Variants in STAU1 observed in about 807,000 individuals in gnomAD.
The protein encoded by STAU1 is staufen double-stranded RNA binding protein 1.
Under a neutral mutation model 62.9 loss-of-function variants are expected in STAU1, and 13 were observed. The observed-to-expected ratio is 0.21, with a 90% CI of 0.13 to 0.33. The LOEUF is 0.33. STAU1 is among the 10% of genes least tolerant of loss of function. STAU1 has a pLI of 1.00. For synonymous variants in STAU1, 269 were observed against 265.1 expected (o/e 1.01, Z -0.14); for missense variants, 571 against 712.1 (o/e 0.80, Z 2.25).
the STAU1 span, among the ~76,000 whole-genome samples, chr20:49,194,929 C>T: frequency 6.6e-6 from 1 of 151,008 alleles, no homozygotes; most frequent in Non-Finnish European, 1.5e-5. Flanking sequence ...AACAGTGAAA[C>T]CCTGTGTCAA....
chr20:49,140,386 G>C (rs1464709137), intron 5 of STAU1, among the ~76,000 whole-genome samples: 3 of 152,008 alleles, frequency 2.0e-5, no homozygotes, highest in Non-Finnish European at 4.4e-5. Flanking sequence ...ATTCACAATA[G>C]CCAGAAGGTA....
At chr20:49,115,176 G>T (rs752190765) in intron 13 of STAU1, among the ~76,000 whole-genome samples, 29 of 151,988 alleles carry the variant, frequency 1.9e-4, no homozygotes, top group Non-Finnish European at 4.1e-4. Flanking sequence ...TAGTAAAAAT[G>T]TGATCTATGG....
In STAU1 at chr20:49,117,098, C is replaced by G. The variant is rs1302858317; in HGVS notation, c.1632+28G>C. On this transcript the variant is annotated intron_variant, in intron 12 of 13. Coordinates refer to ENST00000371856, the MANE Select transcript of STAU1 (RefSeq NM_017453.4). This position sits in a 1 kb window ranked among gnomAD's most constrained non-coding sequence, Gnocchi z 4.6. ...AGGCTCCACATAAACACACAACACC[C>G]CAATCCCTCACCCAAGGTGTGACGT... is the stretch of plus-strand genomic sequence containing the variant. The G allele has an allele frequency of 1.2e-6, 2 of 1,612,886 alleles. No individual in the cohort carries two copies. Among genetic ancestry groups the G allele is most frequent in the East Asian group, 4.5e-5 (2 of 44,874 alleles).
chr20:49,150,483 T>G (rs2093225586), intron 5 of STAU1, among the ~76,000 whole-genome samples: 3 of 151,926 alleles, frequency 2.0e-5, no homozygotes, highest in Admixed American at 1.3e-4. Context: ...TGCCTCAGCC[T>G]CTCGAATAGC....
At chr20:49,153,053 A>T (rs1214623941) in intron 4 of STAU1, among the ~76,000 whole-genome samples, 2 of 150,582 alleles carry the variant, frequency 1.3e-5, no homozygotes, top group African/African-American at 2.4e-5. Flanking sequence ...GATTGAGACT[A>T]TCCTGGCTAA....
At chr20:49,178,131 T>C (rs924726755) in intron 1 of STAU1, among the ~76,000 whole-genome samples, 1 of 151,468 alleles carries the variant, frequency 6.6e-6, no homozygotes, top group Non-Finnish European at 1.5e-5. Flanking sequence ...GAGCCCTGAG[T>C]GCACCACTGC....
chr20:49,148,706 C>A (rs2093178508), intron 5 of STAU1, among the ~76,000 whole-genome samples: 1 of 152,216 alleles, frequency 6.6e-6, no homozygotes, highest in African/African-American at 2.4e-5. Flanking sequence ...TTTCATAGGA[C>A]CCGGTGAAAA....
chr20:49,153,251 GA>G lies in STAU1; in HGVS notation c.344+681del, dbSNP rs71184266. Among the ~76,000 whole-genome samples, 656 of 99,046 alleles carry G rather than the reference GA, an allele frequency of 6.6e-3. 1 individual carries two copies. The highest frequency in any genetic ancestry group is 0.013 in the African/African-American group (324 of 25,416). The allele number at this position is 99,046 out of a possible 152,430, so 65.0% of individuals were successfully genotyped here. A position where few individuals can be genotyped will look rare whatever the true frequency, so the allele number is the denominator to read the frequency against. On this transcript the variant is annotated intron_variant, in intron 4 of 13. Transcript: ENST00000371856. ...GGCAACAGAGCGAGACTCCGTCTCA[GA>G]AAAAAAAAAAAAAAAAGAAGCACAA... is the stretch of plus-strand genomic sequence containing the variant.
At position 49,142,795 on chromosome 20, in the gene STAU1, C is replaced by T. The variant is rs1044168360; in HGVS notation, c.511-6864G>A. Among the ~76,000 whole-genome samples the T allele has an allele frequency of 6.6e-5, 10 of 152,062 alleles. No individual in the cohort carries two copies. The East Asian group carries it at 1.9e-3, about 29-fold the overall frequency. ...CATATTTGAAAATGAAATTATTTTGCTCTTTTACACAATTTTTTTCTTTTG... is the reference window on the plus strand; with the variant it reads ...CATATTTGAAAATGAAATTATTTTGTTCTTTTACACAATTTTTTTCTTTTG... On this transcript the variant is annotated intron_variant, in intron 5 of 13. Coordinates refer to ENST00000371856, the MANE Select transcript of STAU1 (RefSeq NM_017453.4).
In STAU1 at chr20:49,134,301, T is replaced by A. The variant is rs142944530; in HGVS notation, c.609+1532A>T. Among the ~76,000 whole-genome samples the A allele has an allele frequency of 2.6e-5, 4 of 151,822 alleles. No homozygotes were observed. The East Asian group carries it at 7.8e-4, about 30-fold the overall frequency. ...ACAAAATTAGCTCGGCATGGTGGCG[T>A]ATGCCTGTAATCCCAGCTACTCAGG... On this transcript the variant is annotated intron_variant, in intron 6 of 13. Transcript: ENST00000371856.
chr20:49,150,148 A>C (rs2093217441), intron 5 of STAU1, among the ~76,000 whole-genome samples: 1 of 152,148 alleles, frequency 6.6e-6, no homozygotes, highest in African/African-American at 2.4e-5. Context: ...TGACCCCTCA[A>C]TGGCATGGAG....
chr20:49,175,968 G>A (rs1414020962), intron 1 of STAU1, among the ~76,000 whole-genome samples: 1 of 151,396 alleles, frequency 6.6e-6, no homozygotes, highest in African/African-American at 2.4e-5. Context: ...CTAATTTTTT[G>A]TATTTTTAGT....
At chr20:49,129,526 G>C (rs1336410890) in intron 6 of STAU1, among the ~76,000 whole-genome samples, 1 of 150,806 alleles carries the variant, frequency 6.6e-6, no homozygotes, top group Non-Finnish European at 1.5e-5. Flanking sequence ...TTTAAAAGCT[G>C]ACAATACCCA....
chr20:49,149,530 T>C (rs1017810277), intron 5 of STAU1, among the ~76,000 whole-genome samples: 6 of 152,130 alleles, frequency 3.9e-5, no homozygotes, highest in Non-Finnish European at 8.8e-5. Flanking sequence ...GGACTAGAAA[T>C]ACCTACTCCA....
intron 12 of STAU1, among the ~76,000 whole-genome samples, chr20:49,116,224 T>G (rs1049245259): frequency 1.3e-5 from 2 of 152,078 alleles, no homozygotes; most frequent in African/African-American, 4.8e-5. Context: ...GGTCTCAAAC[T>G]CCTAGGCTCA....
At chr20:49,211,044 A>T in the STAU1 span, among the ~76,000 whole-genome samples, 1 of 152,178 alleles carries the variant, frequency 6.6e-6, no homozygotes, top group Non-Finnish European at 1.5e-5. Flanking sequence ...CCTATTCTAG[A>T]TAATCAGTAT....
At chr20:49,192,046 A>G (rs911555638), upstream of STAU1, among the ~76,000 whole-genome samples, 2 of 151,460 alleles carry the variant, frequency 1.3e-5, no homozygotes, top group African/African-American at 4.9e-5. Context: ...GCGAGACTCC[A>G]TCTCAAAAAA....
chr20:49,148,925 G>C (rs2093182779), intron 5 of STAU1, among the ~76,000 whole-genome samples: 1 of 152,062 alleles, frequency 6.6e-6, no homozygotes, highest in Non-Finnish European at 1.5e-5. Context: ...CCCCAACCTT[G>C]ACCATACCTC....
the STAU1 span, among the ~76,000 whole-genome samples, chr20:49,205,514 C>T: frequency 1.5e-4 from 23 of 150,824 alleles, no homozygotes; most frequent in East Asian, 4.1e-3. Flanking sequence ...TACAGGCACG[C>T]ACCTCCATGC....
Sources: allele counts gnomAD v4.1 joint callset (sites outside exome capture counted in the v4.1 genomes callset), GRCh38; gene constraint gnomAD v4.1.1; non-coding constraint Gnocchi (gnomAD v3.1); transcripts MANE v1.5; gene names NCBI Gene and HGNC (gene_info 2026-07-23, HGNC 2026-07-21).